ANK3: variants seen among roughly 807,000 people sequenced by gnomAD.
The protein encoded by ANK3 is ankyrin 3.
In ANK3, 57 loss-of-function variants were observed where a neutral mutation model predicts 370.9. That is an observed-to-expected ratio of 0.15 (90% CI 0.12 to 0.19). The LOEUF is 0.19. Ranked by LOEUF, ANK3 falls within the 10% of genes least tolerant of loss-of-function variation. ANK3 has a pLI of 1.00. For synonymous variants in ANK3, 1,929 were observed against 1,946.3 expected (o/e 0.99, Z 0.23); for missense variants, 4,439 against 5,302.1 (o/e 0.84, Z 5.06).
At chr10:60,724,248 C>G (rs145896934) in intron 1 of ANK3, among the ~76,000 whole-genome samples, 2 of 148,446 alleles carry the variant, frequency 1.3e-5, no homozygotes, top group Non-Finnish European at 3.0e-5. Context: ...GGATTCTCCT[C>G]TAGCGCCCCC....
In ANK3 at chr10:60,069,466, A is replaced by G. The variant is rs1164071654; in HGVS notation, c.11415T>C (p.Asn3805=). The G allele has an allele frequency of 6.2e-7, 1 of 1,613,980 alleles. No homozygotes were observed. The highest frequency in any genetic ancestry group is 1.7e-5 in the Admixed American group (1 of 60,008). ...STIQTDNIMS[N]IVLTEHSAPT... ...GTGCAGAATGTTCTGTCAGAACTAT[A>G]TTACTCATAATGTTATCTGTCTGTA... is the stretch of plus-strand genomic sequence containing the variant. The change falls in exon 37 of 44, where the codon AAT becomes AAC. Residue 3805 remains asparagine (N), a synonymous_variant. Coordinates refer to ENST00000280772, the MANE Select transcript of ANK3 (RefSeq NM_020987.5).
In ANK3 at chr10:60,063,121, G is replaced by A. The variant is rs2080937141; in HGVS notation, c.12585C>T (p.Asp4195=). The A allele has an allele frequency of 1.2e-6, 2 of 1,611,096 alleles. No homozygotes were observed. Among genetic ancestry groups the A allele is most frequent in the African/African-American group, 2.7e-5 (2 of 74,914 alleles). The stretch of plus-strand genomic sequence containing the variant: ...ACTAAATTCGATTACCATCAACAGG[G>A]TCATGGAAAACATTGTTCTCATCTG... The part of the protein sequence containing the change: ...SFADENNVFH[D]PVDGWQNETS... Residue 4195 remains aspartate, a synonymous_variant, in exon 40 of 44, where the codon GAC becomes GAT. Transcript: ENST00000280772.
intron 2 of ANK3, among the ~76,000 whole-genome samples, chr10:60,418,195 A>G (rs182051782): frequency 1.1e-3 from 162 of 152,260 alleles, no homozygotes; most frequent in African/African-American, 3.7e-3. Flanking sequence ...CACAGCCAGA[A>G]TGGTCCATCT....
intron 24 of ANK3, among the ~76,000 whole-genome samples, chr10:60,138,148 G>C (rs1448185070): frequency 6.6e-6 from 1 of 152,060 alleles, no homozygotes; most frequent in African/African-American, 2.4e-5. Flanking sequence ...TTACTTTGTG[G>C]GAAGTGCCAT....
At chr10:60,132,570 G>T (rs2094138762) in intron 25 of ANK3, among the ~76,000 whole-genome samples, 1 of 151,834 alleles carries the variant, frequency 6.6e-6, no homozygotes, top group African/African-American at 2.4e-5. Context: ...CCAGTCTCTA[G>T]TATGTCTTTA....
Position 60,084,841 on chromosome 10 carries a change from CA to C in ANK3, c.3846-12del, listed in dbSNP as rs751475614. The C allele has an allele frequency of 4.7e-5, 70 of 1,504,270 alleles. No individual in the cohort carries two copies. The highest frequency in any genetic ancestry group is 6.0e-5 in the Non-Finnish European group (68 of 1,128,962). 93.2% of individuals were successfully genotyped at this position (1,504,270 alleles called of 1,614,324 possible). A position where few individuals can be genotyped will look rare whatever the true frequency, so the allele number is the denominator to read the frequency against. ...TCTGCAAGCCAAAATCTGAGCAAAA[CA>C]AAAAACAGAAGTATGAAAATGTGGC... On this transcript the variant is annotated splice_polypyrimidine_tract_variant and intron_variant, in intron 31 of 43. Coordinates refer to ENST00000280772, the MANE Select transcript of ANK3 (RefSeq NM_020987.5).
At chr10:60,549,516 T>C (rs2077043934) in intron 2 of ANK3, among the ~76,000 whole-genome samples, 1 of 152,148 alleles carries the variant, frequency 6.6e-6, no homozygotes, top group Non-Finnish European at 1.5e-5. Flanking sequence ...CTAGTACTTA[T>C]TTCTAAGGTA....
chr10:60,537,374 ATTATT>A lies in ANK3; in HGVS notation c.96+77807_96+77811del, dbSNP rs544480089. On this transcript the variant is annotated intron_variant, in intron 2 of 43. Transcript: ENST00000373827. Reference sequence around the variant, plus strand: ...TTTCATGTATTTCTTGAACATACTAATTATTTTAAGATTGTTGTATGAAAAATACT... The same window carrying A: ...TTTCATGTATTTCTTGAACATACTAATTAAGATTGTTGTATGAAAAATACT... Among the ~76,000 whole-genome samples the A allele has an allele frequency of 3.8e-3, 576 of 152,146 alleles. 1 individual carries two copies. Among genetic ancestry groups the A allele is most frequent in the Non-Finnish European group, 6.0e-3 (410 of 67,926 alleles).
chr10:60,469,802 C>A (rs1290244671), intron 2 of ANK3, among the ~76,000 whole-genome samples: 4 of 150,670 alleles, frequency 2.7e-5, no homozygotes, highest in Non-Finnish European at 5.9e-5. Context: ...GCTATCAACA[C>A]ATTATCAATT....
At chr10:60,289,482 G>T (rs2040839002) in intron 1 of ANK3, among the ~76,000 whole-genome samples, 1 of 151,650 alleles carries the variant, frequency 6.6e-6, no homozygotes, top group South Asian at 2.1e-4. Flanking sequence ...CATTATCATG[G>T]CTCGCTGTAG....
intron 2 of ANK3, among the ~76,000 whole-genome samples, chr10:60,443,064 G>A (rs2064339505): frequency 6.6e-6 from 1 of 152,140 alleles, no homozygotes; most frequent in Admixed American, 6.5e-5. Context: ...CTTTTTTGGA[G>A]GAGGAGGTCT....
chr10:60,513,502 G>T (rs2076140432), intron 2 of ANK3, among the ~76,000 whole-genome samples: 1 of 152,094 alleles, frequency 6.6e-6, no homozygotes, highest in Non-Finnish European at 1.5e-5. Flanking sequence ...GTGAAACATT[G>T]AAGGGAGTTG....
At chr10:60,662,430 A>C (rs1264864263) in intron 1 of ANK3, among the ~76,000 whole-genome samples, 1 of 152,168 alleles carries the variant, frequency 6.6e-6, no homozygotes, top group Non-Finnish European at 1.5e-5. Context: ...GGGGAAAATC[A>C]ACAAAAATAA....
At chr10:60,045,163 G>A (rs1035091401) in intron 42 of ANK3, among the ~76,000 whole-genome samples, 4 of 152,052 alleles carry the variant, frequency 2.6e-5, no homozygotes, top group Non-Finnish European at 5.9e-5. Flanking sequence ...ATCTCTATTG[G>A]CTGTAACATA....
chr10:60,445,914 T>C (rs2064433649), intron 2 of ANK3, among the ~76,000 whole-genome samples: 1 of 152,202 alleles, frequency 6.6e-6, no homozygotes, highest in African/African-American at 2.4e-5. Context: ...CATAAAAATA[T>C]AGAAAGCTGT....
intron 1 of ANK3, among the ~76,000 whole-genome samples, chr10:60,712,648 A>T (rs561181473): frequency 3.3e-5 from 5 of 152,168 alleles, no homozygotes; most frequent in Non-Finnish European, 4.4e-5. Flanking sequence ...AAATGCACAA[A>T]TTAAAAGACA....
intron 2 of ANK3, among the ~76,000 whole-genome samples, chr10:60,429,232 AT>A (rs2063959284): frequency 6.6e-6 from 1 of 152,178 alleles, no homozygotes; most frequent in Admixed American, 6.5e-5. Flanking sequence ...TGAGTCACTT[AT>A]AAATAACACA....
intron 1 of ANK3, among the ~76,000 whole-genome samples, chr10:60,335,974 G>GT (rs1215613940): frequency 6.6e-6 from 1 of 152,060 alleles, no homozygotes; most frequent in Non-Finnish European, 1.5e-5. Flanking sequence ...AGCAATAACC[G>GT]TAAGTGCCCA....
chr10:60,137,407 C>CAAAAAAATA, intron 24 of ANK3: 1 of 191,270 alleles, frequency 5.2e-6, no homozygotes, highest in Middle Eastern at 1.0e-3. Context: ...AAATAGAAAG[C>CAAAAAAATA]AAAAAATCAG....
Sources: gnomAD v4.1 joint callset for allele counts (sites outside exome capture counted in the v4.1 genomes callset) on GRCh38, gnomAD v4.1.1 for gene constraint, MANE v1.5 for transcripts, NCBI Gene and HGNC (gene_info 2026-07-23, HGNC 2026-07-21) for gene names.